DMRT1: variants seen among roughly 807,000 people sequenced by gnomAD.
The protein encoded by DMRT1 is doublesex and mab-3 related transcription factor 1.
Under a neutral mutation model 32.3 loss-of-function variants are expected in DMRT1, and 7 were observed. That is an observed-to-expected ratio of 0.22 (90% CI 0.12 to 0.41). DMRT1 has a LOEUF of 0.41. DMRT1 is among the 10% of genes least tolerant of loss of function. DMRT1 has a pLI of 1.00. For missense variants in DMRT1, 625 were observed against 500.5 expected (o/e 1.25, Z -2.37); for synonymous variants, 278 against 206.1 (o/e 1.35, Z -2.99).
At chr9:855,659 G>T (rs1815367779) in intron 2 of DMRT1, among the ~76,000 whole-genome samples, 1 of 152,138 alleles carries the variant, frequency 6.6e-6, no homozygotes, top group Non-Finnish European at 1.5e-5. Context: ...TCGCTTTTTA[G>T]CCCAGGCTAG....
At chr9:866,607 C>A (rs1564208358) in intron 2 of DMRT1, among the ~76,000 whole-genome samples, 2 of 152,194 alleles carry the variant, frequency 1.3e-5, no homozygotes, top group African/African-American at 2.4e-5. Context: ...ACGAGAGAGT[C>A]TCAAGGACGT....
chr9:960,915 G>T (rs970063803), intron 4 of DMRT1, among the ~76,000 whole-genome samples: 2 of 152,206 alleles, frequency 1.3e-5, no homozygotes, highest in Non-Finnish European at 2.9e-5. Context: ...CTAGGAACAG[G>T]GCTCAGTTCA....
intron 2 of DMRT1, among the ~76,000 whole-genome samples, chr9:878,535 A>G (rs1032547820): frequency 6.6e-6 from 1 of 152,066 alleles, no homozygotes; most frequent in African/African-American, 2.4e-5. Flanking sequence ...TATCACACCA[A>G]ACGCACTCAA....
intron 4 of DMRT1, among the ~76,000 whole-genome samples, chr9:935,803 G>C (rs1818867666): frequency 6.6e-6 from 1 of 152,102 alleles, no homozygotes; most frequent in African/African-American, 2.4e-5. Context: ...AATGACTTTT[G>C]TTTACTTATC....
rs1564227182 is a variant in DMRT1, at chr9:890,267, G to C, written c.539-3645G>C. ...CGGCCCAAACTGATGTTTAAAATAAGAGAAAGGCCCAGTGGGGAAGTTGAG... is the reference window on the plus strand; with the variant it reads ...CGGCCCAAACTGATGTTTAAAATAACAGAAAGGCCCAGTGGGGAAGTTGAG... On this transcript the variant is annotated intron_variant, in intron 2 of 4. Coordinates refer to ENST00000382276, the MANE Select transcript of DMRT1 (RefSeq NM_021951.3). 3.9e-5 allele frequency among the ~76,000 whole-genome samples: 6 copies of C among 152,202 alleles called. No individual in the cohort carries two copies. In the South Asian group the frequency reaches 1.2e-3, roughly 32 times the overall value.
At chr9:901,972 A>G (rs541397047) in intron 3 of DMRT1, among the ~76,000 whole-genome samples, 246 of 136,698 alleles carry the variant, frequency 1.8e-3, no homozygotes, top group African/African-American at 6.7e-3. Flanking sequence ...GAGTGCAGTG[A>G]TGCGATCTCA....
At chr9:957,967 C>T (rs2129984271) in intron 4 of DMRT1, among the ~76,000 whole-genome samples, 1 of 152,192 alleles carries the variant, frequency 6.6e-6, no homozygotes, top group Admixed American at 6.5e-5. Context: ...GGAGATTGTG[C>T]CACTGCATTC....
At position 894,145 on chromosome 9, in the gene DMRT1, C is replaced by A. The variant is rs188566489; in HGVS notation, c.772C>A (p.Arg258=). The A allele has an allele frequency of 5.6e-6, 9 of 1,614,010 alleles. No homozygotes were observed. The highest frequency in any genetic ancestry group is 1.3e-5 in the African/African-American group (1 of 74,940). Residue 258 remains arginine, a synonymous_variant, in exon 3 of 5, where the codon CGG becomes AGG. Coordinates refer to ENST00000382276, the MANE Select transcript of DMRT1 (RefSeq NM_021951.3). ...GGGATCCCCTGTGAAGAACAGCCTT[C>A]GGGGCCTCCCCGGACCTTATGTGCC... ...LGGSPVKNSL[R]GLPGPYVPGQ...
At chr9:945,931 A>G (rs191610953) in intron 4 of DMRT1, among the ~76,000 whole-genome samples, 21 of 152,202 alleles carry the variant, frequency 1.4e-4, no homozygotes, top group East Asian at 1.2e-3. Context: ...GCTTTTTAAC[A>G]TAAGGGGTGT....
intron 4 of DMRT1, among the ~76,000 whole-genome samples, chr9:953,545 C>G (rs1819499262): frequency 6.6e-6 from 1 of 152,230 alleles, no homozygotes; most frequent in African/African-American, 2.4e-5. Context: ...GTGGATTCTT[C>G]TCTCTCGCCT....
chr9:893,690 C>T (rs1466483474), intron 2 of DMRT1, among the ~76,000 whole-genome samples: 1 of 152,234 alleles, frequency 6.6e-6, no homozygotes, highest in East Asian at 1.9e-4. Context: ...TTTTGATACT[C>T]TCAGTAAAAA....
At chr9:884,199 G>A (rs58745487) in intron 2 of DMRT1, among the ~76,000 whole-genome samples, 3,513 of 152,102 alleles carry the variant, frequency 0.023, 53 homozygotes, top group South Asian at 0.032. Flanking sequence ...CAGCAAAGAG[G>A]GGGGCAAGCC....
At chr9:912,371 C>A (rs1462106423) in intron 3 of DMRT1, among the ~76,000 whole-genome samples, 1 of 152,144 alleles carries the variant, frequency 6.6e-6, no homozygotes, top group Non-Finnish European at 1.5e-5. Flanking sequence ...GGAGTCTGAC[C>A]CTTTGTATCT....
chr9:943,024 A>G (rs1395348892), intron 4 of DMRT1, among the ~76,000 whole-genome samples: 1 of 151,794 alleles, frequency 6.6e-6, no homozygotes, highest in Non-Finnish European at 1.5e-5. Flanking sequence ...AGTGAAGTAT[A>G]CAGGATATCT....
intron 4 of DMRT1, among the ~76,000 whole-genome samples, chr9:945,044 G>A (rs1362459907): frequency 1.3e-5 from 2 of 152,074 alleles, no homozygotes; most frequent in Non-Finnish European, 2.9e-5. Flanking sequence ...TCTACTACAA[G>A]TTTTATCCAC....
At chr9:844,453 CA>C (rs1838815164) in intron 1 of DMRT1, among the ~76,000 whole-genome samples, 1 of 152,100 alleles carries the variant, frequency 6.6e-6, no homozygotes, top group African/African-American at 2.4e-5. Flanking sequence ...GGATGTGCTT[CA>C]GAGGTTTGCA....
chr9:964,056 T>C (rs531853518), intron 4 of DMRT1, among the ~76,000 whole-genome samples: 5 of 152,330 alleles, frequency 3.3e-5, no homozygotes, highest in Admixed American at 3.3e-4. Flanking sequence ...AGGAAAAATG[T>C]TTTTAAAGCA....
intron 4 of DMRT1, among the ~76,000 whole-genome samples, chr9:924,102 C>A (rs1818444929): frequency 1.4e-5 from 2 of 142,812 alleles, no homozygotes; most frequent in Non-Finnish European, 3.0e-5. Flanking sequence ...CCTGGAGTCT[C>A]TCTCTGTCTC....
chr9:857,451 G>A (rs114022076), intron 2 of DMRT1, among the ~76,000 whole-genome samples: 2,357 of 152,232 alleles, frequency 0.015, 64 homozygotes, highest in African/African-American at 0.055. Context: ...AAAGGGACCT[G>A]GAGAGAGTTT....
Sources: gnomAD v4.1 joint callset for allele counts (sites outside exome capture counted in the v4.1 genomes callset) on GRCh38, gnomAD v4.1.1 for gene constraint, MANE v1.5 for transcripts, NCBI Gene and HGNC (gene_info 2026-07-23, HGNC 2026-07-21) for gene names.